The following DNAJC2 variants were observed in gnomAD, a reference collection of about 807,000 sequenced individuals.
DNAJC2 encodes the protein DnaJ heat shock protein family (Hsp40) member C2.
A neutral mutation model predicts 94.0 loss-of-function variants in DNAJC2; 32 were observed. The observed-to-expected ratio is 0.34, with a 90% confidence interval of 0.26 to 0.46. The LOEUF is 0.46. DNAJC2 is among the 20% of genes least tolerant of loss of function. The pLI, the probability that DNAJC2 is intolerant of heterozygous loss-of-function variation, is 1.00. For synonymous variants in DNAJC2, 210 were observed against 229.7 expected (o/e 0.91, Z 0.77); for missense variants, 550 against 719.5 (o/e 0.76, Z 2.69).
chr7:103,344,754 T>A lies in DNAJC2; in HGVS notation c.-132A>T, dbSNP rs527658076. The A allele has an allele frequency of 2.2e-6, 2 of 890,290 alleles. No individual in the cohort carries two copies. The highest frequency in any genetic ancestry group is 1.7e-5 in the African/African-American group (1 of 60,576). The allele number at this position is 890,290 out of a possible 1,614,324, so 55.1% of individuals were successfully genotyped here. A position where few individuals can be genotyped will look rare whatever the true frequency, so the allele number is the denominator to read the frequency against. On this transcript the variant is annotated 5_prime_UTR_variant, in exon 1 of 17. It removes an upstream start codon present in the reference 5' UTR. Coordinates refer to ENST00000379263, the MANE Select transcript of DNAJC2 (RefSeq NM_014377.3). ...TCTAAGACGCCCAGGAACCGGCGCA[T>A]GGAGACGACCAGTAAGCACTTCCGG...
At chr7:103,319,156 A>C (rs751674050) in intron 12 of DNAJC2, among the ~76,000 whole-genome samples, 3 of 152,044 alleles carry the variant, frequency 2.0e-5, no homozygotes, top group Non-Finnish European at 4.4e-5. Context: ...AAACAAAAAC[A>C]GGCTGGGCGT....
intron 3 of DNAJC2, among the ~76,000 whole-genome samples, chr7:103,334,460 G>A (rs1390730533): frequency 6.6e-6 from 1 of 152,020 alleles, no homozygotes; most frequent in East Asian, 2.0e-4. Flanking sequence ...CTACTTAGGA[G>A]GCTGAGGCAG....
At chr7:103,327,030 T>A (rs568234404) in intron 4 of DNAJC2, among the ~76,000 whole-genome samples, 2 of 152,324 alleles carry the variant, frequency 1.3e-5, no homozygotes, top group Non-Finnish European at 2.9e-5. Context: ...TCTGGAGCAC[T>A]GTGTAAGAGA....
intron 5 of DNAJC2, 57 bp downstream of exon 5, chr7:103,326,486 A>C (rs753582405): frequency 7.7e-6 from 12 of 1,555,570 alleles, no homozygotes; most frequent in Non-Finnish European, 1.1e-5. Context: ...GAAACCTGGA[A>C]GACTACAATA....
intron 12 of DNAJC2, chr7:103,317,232 C>A (rs1818121187): frequency 1.2e-5 from 6 of 504,178 alleles, no homozygotes; most frequent in Non-Finnish European, 2.1e-5. Flanking sequence ...CACAGCCTGC[C>A]TGATTTTCCC....
intron 15 of DNAJC2, chr7:103,314,474 CA>C: frequency 1.0e-6 from 1 of 985,382 alleles, no homozygotes; most frequent in African/African-American, 1.7e-5. Flanking sequence ...TCACAGAAAG[CA>C]GACTGGACAA....
Position 103,324,482 on chromosome 7 carries a change from C to A in DNAJC2, c.653G>T (p.Trp218Leu). ...FEDVDIFYSF[W>L]YNFDSWREFS... is the part of the protein sequence containing the mutation. The stretch of plus-strand genomic sequence containing the variant: ...TCATACAAACAGTATATTCACTTAC[C>A]AGAAAGAATAAAATATATCTACATC... The change falls in exon 6 of 17, where the codon TGG (tryptophan) becomes TTG (leucine). Residue 218 changes from tryptophan to leucine, a missense_variant and splice_region_variant. Physicochemically the swap from Trp to Leu is moderately conservative, Grantham distance 61. Around this residue, in one of 2 missense-constraint regions of DNAJC2, gnomAD observed 279 missense variants for 416.9 expected, o/e 0.67. Transcript: ENST00000379263. The A allele has an allele frequency of 6.7e-7, 1 of 1,486,920 alleles. No individual in the cohort carries two copies. Among genetic ancestry groups the A allele is most frequent in the Non-Finnish European group, 9.0e-7 (1 of 1,105,120 alleles). 92.1% of individuals were successfully genotyped at this position (1,486,920 alleles called of 1,614,324 possible).
intron 3 of DNAJC2, among the ~76,000 whole-genome samples, chr7:103,334,408 C>A (rs938166550): frequency 6.6e-6 from 1 of 151,346 alleles, no homozygotes; most frequent in African/African-American, 2.4e-5. Context: ...CTAAAAAATA[C>A]GAAAATTAGT....
At chr7:103,321,231 T>G (rs1474961294) in intron 10 of DNAJC2, among the ~76,000 whole-genome samples, 1 of 151,696 alleles carries the variant, frequency 6.6e-6, no homozygotes, top group Non-Finnish European at 1.5e-5. Flanking sequence ...AGAAAAAGTT[T>G]TTTTGGCTGG....
At chr7:103,335,060 C>CT (rs1461885023) in intron 3 of DNAJC2, among the ~76,000 whole-genome samples, 1 of 152,172 alleles carries the variant, frequency 6.6e-6, no homozygotes, top group Non-Finnish European at 1.5e-5. Flanking sequence ...TCTCGAACTC[C>CT]TGACCTCAGG....
intron 12 of DNAJC2, among the ~76,000 whole-genome samples, chr7:103,318,978 A>G (rs1818228533): frequency 6.6e-6 from 1 of 152,048 alleles, no homozygotes; most frequent in Admixed American, 6.6e-5. Context: ...TTGGGAGGCC[A>G]ATGCGGACGG....
At chr7:103,325,009 T>C (rs1473736478) in intron 5 of DNAJC2, among the ~76,000 whole-genome samples, 1 of 152,184 alleles carries the variant, frequency 6.6e-6, no homozygotes, top group African/African-American at 2.4e-5. Context: ...ACCTTCCCCT[T>C]AGAGCCAGAT....
chr7:103,317,251 T>G (rs1180497041), intron 12 of DNAJC2: 2 of 455,482 alleles, frequency 4.4e-6, no homozygotes, highest in Non-Finnish European at 7.7e-6. Context: ...CCAGTACTCA[T>G]GTCATGTGAC....
At chr7:103,331,097 C>T (rs1264315522) in intron 3 of DNAJC2, among the ~76,000 whole-genome samples, 1 of 151,856 alleles carries the variant, frequency 6.6e-6, no homozygotes, top group Non-Finnish European at 1.5e-5. Context: ...TCTGGGATTA[C>T]AGGCACCTGC....
intron 9 of DNAJC2, 59 bp downstream of exon 9, chr7:103,322,440 TGTGAAGATTAAA>T (rs1042614070): frequency 4.5e-5 from 60 of 1,324,908 alleles, no homozygotes; most frequent in African/African-American, 9.0e-5. Context: ...TAAAAAAAGA[TGTGAAGATTAAA>T]GTGAAGATTA....
In DNAJC2 at chr7:103,344,664, C is replaced by A; in HGVS notation, c.-42G>T. The A allele has an allele frequency of 6.3e-7, 1 of 1,598,666 alleles. No homozygotes were observed. The highest frequency in any genetic ancestry group is 8.5e-7 in the Non-Finnish European group (1 of 1,177,270). On this transcript the variant is annotated 5_prime_UTR_variant, in exon 1 of 17. Coordinates refer to ENST00000379263, the MANE Select transcript of DNAJC2 (RefSeq NM_014377.3). ...GCCCGGTGGGCGCAGCGGCTCACGT[C>A]CCGGGCGGAGGGCGCTTAGGGTCCC...
At chr7:103,336,605 CAA>C (rs1819184410) in intron 3 of DNAJC2, 1 of 152,232 alleles carries the variant, frequency 6.6e-6, no homozygotes, top group African/African-American at 2.4e-5. Context: ...CTCGGCCTCC[CAA>C]AGTGTTGGGA....
intron 1 of DNAJC2, among the ~76,000 whole-genome samples, chr7:103,342,171 C>G (rs944038740): frequency 1.3e-5 from 2 of 152,034 alleles, no homozygotes; most frequent in African/African-American, 4.8e-5. Flanking sequence ...TCAACCTCTT[C>G]CAGTTATCTG....
chr7:103,332,339 T>G (rs1036935378), intron 3 of DNAJC2, among the ~76,000 whole-genome samples: 1 of 152,242 alleles, frequency 6.6e-6, no homozygotes, highest in Non-Finnish European at 1.5e-5. Context: ...TAACTGGTTT[T>G]TCTTTTTCAT....
Sources: gnomAD v4.1 joint callset for allele counts (sites outside exome capture counted in the v4.1 genomes callset) on GRCh38, gnomAD v4.1.1 for gene constraint, gnomAD v4.1.1 regional missense constraint, MANE v1.5 for transcripts, NCBI Gene and HGNC (gene_info 2026-07-23, HGNC 2026-07-21) for gene names.